CMIP: variants seen among roughly 807,000 people sequenced by gnomAD.
CMIP encodes the protein c-Maf inducing protein.
In CMIP, 13 loss-of-function variants were observed where a neutral mutation model predicts 97.3. The observed-to-expected ratio is 0.13, with a 90% CI of 0.09 to 0.21. The LOEUF is 0.21. Among genes scored for constraint, CMIP ranks in the 10% least tolerant of loss-of-function variants. The pLI is 1.00. For synonymous variants in CMIP, 538 were observed against 436.3 expected, an observed-to-expected ratio of 1.23 and a Z score of -2.91; for missense variants, 847 against 1,024.9, an observed-to-expected ratio of 0.83 and a Z score of 2.37.
At chr16:81,540,470 T>C (rs935500885) in intron 1 of CMIP, among the ~76,000 whole-genome samples, 1 of 151,016 alleles carries the variant, frequency 6.6e-6, no homozygotes, top group Non-Finnish European at 1.5e-5. Context: ...GCCCAGCTAA[T>C]TTTTGTATTT....
intron 1 of CMIP, among the ~76,000 whole-genome samples, chr16:81,471,476 A>C (rs1213620977): frequency 6.6e-6 from 1 of 152,250 alleles, no homozygotes; most frequent in Non-Finnish European, 1.5e-5. Flanking sequence ...GTATGCAGAC[A>C]TGCACACAGA....
chr16:81,494,876 C>G (rs919525356), intron 1 of CMIP, among the ~76,000 whole-genome samples: 4 of 152,220 alleles, frequency 2.6e-5, no homozygotes, highest in Non-Finnish European at 5.9e-5. Flanking sequence ...TTGCCAGGTG[C>G]TTTCTCATTC....
chr16:81,452,373 G>T (rs925901949), intron 1 of CMIP, among the ~76,000 whole-genome samples: 4 of 152,150 alleles, frequency 2.6e-5, no homozygotes, highest in African/African-American at 7.2e-5. Flanking sequence ...GAGGCCTGGC[G>T]GTGCTTTCAT....
At chr16:81,493,583 G>A (rs1281021712) in intron 1 of CMIP, among the ~76,000 whole-genome samples, 1 of 152,238 alleles carries the variant, frequency 6.6e-6, no homozygotes, top group Non-Finnish European at 1.5e-5. Flanking sequence ...CAAGCCACCC[G>A]GGCCCAGCCT....
At chr16:81,567,187 C>G (rs2090997765) in intron 1 of CMIP, among the ~76,000 whole-genome samples, 1 of 152,266 alleles carries the variant, frequency 6.6e-6, no homozygotes, top group African/African-American at 2.4e-5. Flanking sequence ...GGAGGAATTC[C>G]CACATCGAAG....
At chr16:81,689,329 G>C (rs895458746) in intron 10 of CMIP, among the ~76,000 whole-genome samples, 5 of 152,110 alleles carry the variant, frequency 3.3e-5, no homozygotes, top group Non-Finnish European at 7.3e-5. Context: ...GTTGTTTCCT[G>C]ACTTTTTAAT....
chr16:81,504,995 C>T (rs1354736100), intron 1 of CMIP, among the ~76,000 whole-genome samples: 1 of 152,258 alleles, frequency 6.6e-6, no homozygotes, highest in Non-Finnish European at 1.5e-5. Flanking sequence ...GCCAGTGAGG[C>T]TGGGCTGTGC....
At chr16:81,521,824 G>C (rs1004444355) in intron 1 of CMIP, among the ~76,000 whole-genome samples, 5 of 152,142 alleles carry the variant, frequency 3.3e-5, no homozygotes. Context: ...ATTGGGAGTT[G>C]GCCGAGATTA....
intron 1 of CMIP, among the ~76,000 whole-genome samples, chr16:81,601,814 C>T (rs2091662812): frequency 6.6e-6 from 1 of 152,182 alleles, no homozygotes; most frequent in Non-Finnish European, 1.5e-5. Flanking sequence ...ACCTTGCGGG[C>T]ACTCAGTTAG....
chr16:81,635,167 C>T (rs2092218393), intron 3 of CMIP, among the ~76,000 whole-genome samples: 1 of 152,082 alleles, frequency 6.6e-6, no homozygotes, highest in Non-Finnish European at 1.5e-5. Context: ...GAAAATGCCA[C>T]CTTATATTAA....
chr16:81,647,034 A>G (rs753037962), intron 3 of CMIP, among the ~76,000 whole-genome samples: 1 of 152,288 alleles, frequency 6.6e-6, no homozygotes, highest in South Asian at 2.1e-4. Context: ...CTTTCAAACA[A>G]TTTTCCAAGG....
intron 4 of CMIP, among the ~76,000 whole-genome samples, chr16:81,656,343 G>C (rs542305548): frequency 1.6e-4 from 24 of 152,308 alleles, no homozygotes; most frequent in African/African-American, 5.8e-4. Context: ...GGAGCCATGG[G>C]GCTCTGTCTA....
At chr16:81,607,940 A>G (rs2091771909) in intron 2 of CMIP, among the ~76,000 whole-genome samples, 1 of 152,206 alleles carries the variant, frequency 6.6e-6, no homozygotes, top group African/African-American at 2.4e-5. Flanking sequence ...TTGCTCATTT[A>G]GTTTCCCTTA....
intron 1 of CMIP, chr16:81,495,398 A>G: frequency 6.4e-7 from 1 of 1,559,234 alleles, no homozygotes; most frequent in East Asian, 2.4e-5. Flanking sequence ...TGAGAACAAC[A>G]AACCAAGCCG....
chr16:81,561,170 G>A (rs1256528663), intron 1 of CMIP, among the ~76,000 whole-genome samples: 2 of 152,196 alleles, frequency 1.3e-5, no homozygotes, highest in African/African-American at 4.8e-5. Context: ...GACCAGGCTG[G>A]TCTTGAACTC....
At chr16:81,460,835 T>TGGTGATGATGAC (rs1392543470) in intron 1 of CMIP, among the ~76,000 whole-genome samples, 2 of 152,132 alleles carry the variant, frequency 1.3e-5, no homozygotes, top group Non-Finnish European at 2.9e-5. Flanking sequence ...AAAATGGTGG[T>TGGTGATGATGAC]GGTGATGATG....
intron 16 of CMIP, among the ~76,000 whole-genome samples, 162 bp from the exon 17 acceptor site, chr16:81,702,460 C>G (rs1456297873): frequency 6.6e-6 from 1 of 152,116 alleles, no homozygotes; most frequent in Non-Finnish European, 1.5e-5. Flanking sequence ...CACCTGTGCT[C>G]AAACCTCATC....
In CMIP at chr16:81,710,025, C is replaced by G. The variant is rs1908586240; in HGVS notation, c.*226C>G. ...TCGTAATTGGAACCTTTGACCTGAT[C>G]TAAAGTGGACTTTGTAGCAACAAGA... On this transcript the variant is annotated 3_prime_UTR_variant, in exon 21 of 21. Transcript: ENST00000537098. 1 of 266,970 alleles carries G rather than the reference C, an allele frequency of 3.7e-6. No homozygotes were observed. The highest frequency in any genetic ancestry group is 9.6e-5 in the East Asian group (1 of 10,450). The allele number at this position is 266,970 out of a possible 1,614,324, so 16.5% of individuals were successfully genotyped here.
chr16:81,599,244 G>T (rs1390960511), intron 1 of CMIP, among the ~76,000 whole-genome samples: 1 of 152,022 alleles, frequency 6.6e-6, no homozygotes, highest in Non-Finnish European at 1.5e-5. Flanking sequence ...GGCAAGGAGA[G>T]GTCATATTAC....
Sources: allele counts gnomAD v4.1 joint callset (sites outside exome capture counted in the v4.1 genomes callset), GRCh38; gene constraint gnomAD v4.1.1; transcripts MANE v1.5; gene names NCBI Gene and HGNC (gene_info 2026-07-23, HGNC 2026-07-21).